Variants in QPRT observed in about 807,000 individuals in gnomAD.
QPRT encodes nicotinate-nucleotide pyrophosphorylase [carboxylating].
Under a neutral mutation model 19.8 loss-of-function variants are expected in QPRT, and 17 were observed. That is an observed-to-expected ratio of 0.86 (90% CI 0.59 to 1.29). The LOEUF is 1.29. QPRT is among the 50% of genes most tolerant of loss of function. The pLI is 0.00. For synonymous variants in QPRT, 178 were observed against 191.0 expected, an observed-to-expected ratio of 0.93 and a Z score of 0.56; for missense variants, 336 against 405.1, an observed-to-expected ratio of 0.83 and a Z score of 1.46.
chr16:29,694,900 G>A lies in QPRT; in HGVS notation c.250G>A (p.Val84Met). 6.2e-7 allele frequency: 1 copy of A among 1,613,954 alleles called. No individual in the cohort carries two copies. ...FLPEGSKLVP[V>M]ARVAEVRGPA... ...CCCCGAGGGATCGAAGCTGGTGCCG[G>A]TGGCCAGAGTGGCCGAGGTCCGGGG... is the stretch of plus-strand genomic sequence containing the variant. The change falls in exon 2 of 4, where the codon GTG (valine) becomes ATG (methionine). Residue 84 changes from valine to methionine, a missense_variant. Physicochemically the swap from Val to Met is conservative, Grantham distance 21. Transcript: ENST00000395384.
Position 29,679,959 on chromosome 16 carries a change from C to CTT in QPRT, c.13+766_13+767dup, listed in dbSNP as rs1267778902. On this transcript the variant is annotated intron_variant, in intron 1 of 3. Coordinates refer to ENST00000395384, the MANE Select transcript of QPRT (RefSeq NM_014298.6). ...GCATATGTCTAACTACTAAGATAAT[C>CTT]TTTTTTTTTTTTTTTTTTGAGACGG... Among the ~76,000 whole-genome samples, 217 of 134,462 alleles carry CTT rather than the reference C, an allele frequency of 1.6e-3. 3 individuals carry two copies. Among genetic ancestry groups the CTT allele is most frequent in the African/African-American group, 5.2e-3 (186 of 35,490 alleles). 88.2% of individuals were successfully genotyped at this position (134,462 alleles called of 152,430 possible).
chr16:29,685,613 C>T (rs1967137164), intron 1 of QPRT, among the ~76,000 whole-genome samples: 1 of 152,158 alleles, frequency 6.6e-6, no homozygotes, highest in Non-Finnish European at 1.5e-5. Flanking sequence ...CCAAGACTAC[C>T]TCAGCCTTCT....
Position 29,694,692 on chromosome 16 carries a change from C to G in QPRT, c.42C>G (p.Thr14=). 2 of 1,553,750 alleles carry G rather than the reference C, an allele frequency of 1.3e-6. No individual in the cohort carries two copies. The highest frequency in any genetic ancestry group is 1.7e-6 in the Non-Finnish European group (2 of 1,148,904). The change falls in exon 2 of 4, where the codon ACC becomes ACG. Residue 14 remains threonine (T), a synonymous_variant. Coordinates refer to ENST00000395384, the MANE Select transcript of QPRT (RefSeq NM_014298.6). ...EGLALLLPPV[T]LAALVDSWLR... ...TGGCGCTGCTGCTGCCGCCCGTCAC[C>G]CTGGCAGCCCTGGTGGACAGCTGGC...
At position 29,695,022 on chromosome 16, in the gene QPRT, C is replaced by T. The variant is rs772757445; in HGVS notation, c.372C>T (p.Ala124=). 2.7e-5 allele frequency: 44 copies of T among 1,604,880 alleles called. No individual in the cohort carries two copies. The highest frequency in any genetic ancestry group is 4.5e-5 in the East Asian group (2 of 44,862). ...IASAAAAAVE[A]ARGAGWTGHV... ...GTGCTGCCGCCGCTGCAGTGGAGGCCGCCAGGGGGGCCGGCTGGACTGGGC... is the reference window on the plus strand; with the variant it reads ...GTGCTGCCGCCGCTGCAGTGGAGGCTGCCAGGGGGGCCGGCTGGACTGGGC... Residue 124 remains alanine (A), a synonymous_variant, in exon 2 of 4, where the codon GCC becomes GCT. Coordinates refer to ENST00000395384, the MANE Select transcript of QPRT (RefSeq NM_014298.6).
intron 1 of QPRT, among the ~76,000 whole-genome samples, chr16:29,685,074 T>C (rs1967122767): frequency 6.6e-6 from 1 of 152,246 alleles, no homozygotes; most frequent in African/African-American, 2.4e-5. Context: ...CTACTAATTC[T>C]GGTAGATCCC....
rs1414981985 is a variant in QPRT at position 29,694,914 on chromosome 16, C to G, written c.264C>G (p.Ala88=). 1.2e-6 allele frequency: 2 copies of G among 1,613,762 alleles called. No individual in the cohort carries two copies. Among genetic ancestry groups the G allele is most frequent in the Admixed American group, 1.7e-5 (1 of 60,036 alleles). ...GSKLVPVARV[A]EVRGPAHCLL... ...AGCTGGTGCCGGTGGCCAGAGTGGC[C>G]GAGGTCCGGGGCCCTGCCCACTGCC... Residue 88 remains alanine (A), a synonymous_variant, in exon 2 of 4, where the codon GCC becomes GCG. Coordinates refer to ENST00000395384, the MANE Select transcript of QPRT (RefSeq NM_014298.6).
intron 1 of QPRT, among the ~76,000 whole-genome samples, chr16:29,684,736 C>A (rs894281626): frequency 8.5e-5 from 13 of 152,328 alleles, no homozygotes; most frequent in African/African-American, 3.1e-4. Flanking sequence ...TCAGCCTTAA[C>A]CTCTGCAAAA....
chr16:29,681,779 G>T (rs1460555090), intron 1 of QPRT, among the ~76,000 whole-genome samples: 1 of 150,412 alleles, frequency 6.6e-6, no homozygotes, highest in African/African-American at 2.5e-5. Flanking sequence ...CTGGAGTGCA[G>T]TGGCAGGATC....
At chr16:29,679,269 C>A in intron 1 of QPRT, 59 bp downstream of exon 1, 1 of 1,359,238 alleles carries the variant, frequency 7.4e-7, no homozygotes, top group Non-Finnish European at 1.0e-6. Context: ...CCTACCCCTG[C>A]CCCCACCCTG....
chr16:29,683,743 C>T (rs1967080923), intron 1 of QPRT, among the ~76,000 whole-genome samples: 1 of 152,156 alleles, frequency 6.6e-6, no homozygotes, highest in Non-Finnish European at 1.5e-5. Flanking sequence ...TCCCTGGAAA[C>T]TACCCCCAGA....
intron 1 of QPRT, among the ~76,000 whole-genome samples, chr16:29,690,504 G>T (rs1185133472): frequency 1.3e-5 from 2 of 151,740 alleles, no homozygotes; most frequent in East Asian, 3.9e-4. Context: ...CTTTTTCTTT[G>T]CAACCTCGCC....
intron 1 of QPRT, among the ~76,000 whole-genome samples, chr16:29,694,322 T>C (rs1475893989): frequency 6.6e-6 from 1 of 151,876 alleles, no homozygotes; most frequent in Non-Finnish European, 1.5e-5. Context: ...GGTTTCACCA[T>C]ATTAGCCAGA....
At chr16:29,679,088 G>A (rs1966911614), upstream of QPRT, 3 of 1,599,884 alleles carry the variant, frequency 1.9e-6, no homozygotes, top group Admixed American at 1.7e-5. Flanking sequence ...AGGGCCGGCT[G>A]ACAGCTTGAT....
intron 1 of QPRT, among the ~76,000 whole-genome samples, chr16:29,689,678 G>A (rs949288753): frequency 1.3e-5 from 2 of 152,110 alleles, no homozygotes; most frequent in African/African-American, 4.8e-5. Flanking sequence ...CCTGACCTAA[G>A]CCTGGTAGTT....
At chr16:29,695,484 C>CTTTTT (rs962384967) in intron 2 of QPRT, among the ~76,000 whole-genome samples, 57 of 93,590 alleles carry the variant, frequency 6.1e-4, no homozygotes, top group Non-Finnish European at 7.6e-4. Flanking sequence ...CTAATTTTTG[C>CTTTTT]TTTTTTTTTT....
chr16:29,689,097 A>G (rs1033749583), intron 1 of QPRT, among the ~76,000 whole-genome samples: 1 of 138,088 alleles, frequency 7.2e-6, no homozygotes, highest in African/African-American at 2.7e-5. Flanking sequence ...TTGTTTTTAA[A>G]TTTAACTTTT....
chr16:29,689,046 G>A (rs1446496851), intron 1 of QPRT, among the ~76,000 whole-genome samples: 1 of 152,062 alleles, frequency 6.6e-6, no homozygotes, highest in African/African-American at 2.4e-5. Context: ...CTCCCAAAGT[G>A]CTGGGATTAC....
chr16:29,695,181 C>T lies in QPRT; in HGVS notation c.531C>T (p.Ala177=), dbSNP rs540636474. ...TGGTGAAGGATAACCATGTGGTGGC[C>T]GCCGGTGGCGTGGAGAAGGTGCTGG... is the stretch of plus-strand genomic sequence containing the variant. ...LVMVKDNHVV[A]AGGVEKAVRA... Residue 177 remains alanine (A), a synonymous_variant, in exon 2 of 4, where the codon GCC becomes GCT. Transcript: ENST00000395384. 5.8e-6 allele frequency: 9 copies of T among 1,552,362 alleles called. No homozygotes were observed. The South Asian group carries it at 5.9e-5, about 10-fold the overall frequency.
intron 1 of QPRT, among the ~76,000 whole-genome samples, chr16:29,689,791 C>G (rs540020564): frequency 6.6e-6 from 1 of 152,222 alleles, no homozygotes; most frequent in Admixed American, 6.5e-5. Context: ...TCACTCTGAC[C>G]ACCGGTGCTC....
Sources: gnomAD v4.1 joint callset for allele counts (sites outside exome capture counted in the v4.1 genomes callset) on GRCh38, gnomAD v4.1.1 for gene constraint, MANE v1.5 for transcripts, NCBI Gene and HGNC (gene_info 2026-07-23, HGNC 2026-07-21) for gene names.